TEAD4: variants seen among roughly 807,000 people sequenced by gnomAD.
TEAD4 encodes the protein transcriptional enhancer factor TEF-3.
Under a neutral mutation model 52.4 loss-of-function variants are expected in TEAD4, and 36 were observed. The ratio of observed to expected loss-of-function variants is 0.69; its 90% CI spans 0.53 to 0.91. The LOEUF is 0.91. Ranked by LOEUF, TEAD4 falls within the 40% of genes least tolerant of loss-of-function variation. TEAD4 has a pLI of 0.00. For missense variants in TEAD4, 508 were observed against 583.9 expected (o/e 0.87, Z 1.34); for synonymous variants, 220 against 231.0 (o/e 0.95, Z 0.43).
At chr12:3,035,567 A>T (rs183239977) in intron 10 of TEAD4, among the ~76,000 whole-genome samples, 3 of 152,198 alleles carry the variant, frequency 2.0e-5, no homozygotes, top group Admixed American at 2.0e-4. Flanking sequence ...CACACCTGCA[A>T]TCCCAACACT....
At position 3,010,240 on chromosome 12, in the gene TEAD4, C is replaced by T. The variant is rs1053089162; in HGVS notation, c.227-764C>T. On this transcript the variant is annotated intron_variant, in intron 3 of 12. Transcript: ENST00000359864. ...TTCCATTGTGTGGGCACATGCCGCT[C>T]CTGAACTAGGTAATGCTTTGAAATA... is the stretch of plus-strand genomic sequence containing the variant. 3.9e-5 allele frequency among the ~76,000 whole-genome samples: 6 copies of T among 152,370 alleles called. No homozygotes were observed. The South Asian group carries it at 1.2e-3, about 32-fold the overall frequency.
chr12:2,986,693 A>G (rs1260567096), intron 2 of TEAD4, among the ~76,000 whole-genome samples: 1 of 152,122 alleles, frequency 6.6e-6, no homozygotes, highest in Non-Finnish European at 1.5e-5. Flanking sequence ...AGAGACGACA[A>G]AAAGTATAGT....
At chr12:3,019,092 C>A in intron 7 of TEAD4, 23 bp from the exon 8 acceptor site, 1 of 1,613,864 alleles carries the variant, frequency 6.2e-7, no homozygotes, top group Non-Finnish European at 8.5e-7. Flanking sequence ...AGGCTGACAC[C>A]TCCCCTCCTC....
chr12:3,002,132 G>A (rs946647896), intron 3 of TEAD4, among the ~76,000 whole-genome samples: 1 of 152,144 alleles, frequency 6.6e-6, no homozygotes, highest in African/African-American at 2.4e-5. Context: ...CCCCTTTTAT[G>A]TCTGGCTTAT....
intron 5 of TEAD4, chr12:3,017,090 A>G (rs765792303): frequency 6.6e-5 from 34 of 515,446 alleles, no homozygotes; most frequent in Non-Finnish European, 1.1e-4. Flanking sequence ...CACCTGTGGT[A>G]GAGAGGTGAG....
rs545211169 is a variant in TEAD4 at position 3,008,878 on chromosome 12, C to T, written c.227-2126C>T. On this transcript the variant is annotated intron_variant, in intron 3 of 12. Transcript: ENST00000359864. The stretch of plus-strand genomic sequence containing the variant: ...CAAGAACCGTATCCCAGATGGTCTG[C>T]CATCCCCATCCCTCCTGCTACACCG... Among the ~76,000 whole-genome samples the T allele has an allele frequency of 3.3e-5, 5 of 152,296 alleles. No individual in the cohort carries two copies. The East Asian group carries it at 9.6e-4, about 29-fold the overall frequency.
intron 10 of TEAD4, among the ~76,000 whole-genome samples, chr12:3,022,706 A>C (rs2098269575): frequency 6.6e-6 from 1 of 152,168 alleles, no homozygotes; most frequent in Admixed American, 6.5e-5. Flanking sequence ...CTGGGGGCCC[A>C]GTGTGTGCAG....
intron 3 of TEAD4, among the ~76,000 whole-genome samples, chr12:3,000,707 C>T (rs3825364): frequency 0.59 from 90,130 of 151,952 alleles, 31,652 homozygotes; most frequent in East Asian, 0.77. Flanking sequence ...AGTCTAGAGG[C>T]GAGACTTCAC....
chr12:3,000,533 T>G (rs1337799464), intron 3 of TEAD4, among the ~76,000 whole-genome samples: 2 of 152,128 alleles, frequency 1.3e-5, no homozygotes, highest in Non-Finnish European at 2.9e-5. Flanking sequence ...CTGCGTGGAT[T>G]AATCCATCGT....
intron 2 of TEAD4, among the ~76,000 whole-genome samples, chr12:2,977,561 T>C (rs1591559513): frequency 1.3e-5 from 2 of 152,330 alleles, no homozygotes; most frequent in Middle Eastern, 6.8e-3. Flanking sequence ...GGGGCTTTAC[T>C]TGCTTTTCTC....
rs1419356207 is a variant in TEAD4, at chr12:3,040,145, C to T, written c.1077C>T (p.Tyr359=). The T allele has an allele frequency of 1.9e-6, 3 of 1,614,092 alleles. No homozygotes were observed. The highest frequency in any genetic ancestry group is 2.7e-5 in the African/African-American group (2 of 74,940). Residue 359 remains tyrosine, a synonymous_variant, in exon 12 of 13, where the codon TAC becomes TAT. Transcript: ENST00000359864. Reference sequence around the variant, plus strand: ...GCTATGAGAATGGACACTACTCTTACCGCATCCACCGGTCCCCGCTCTGTG... The same window carrying T: ...GCTATGAGAATGGACACTACTCTTATCGCATCCACCGGTCCCCGCTCTGTG...
chr12:3,012,878 C>T lies in TEAD4; in HGVS notation c.354+646C>T, dbSNP rs188312003. Among the ~76,000 whole-genome samples the T allele has an allele frequency of 3.1e-3, 478 of 152,236 alleles. 1 individual carries two copies. Among genetic ancestry groups the T allele is most frequent in the Non-Finnish European group, 4.9e-3 (330 of 68,014 alleles). ...GAGCTCTCCATCAGGGAGGTGATGA[C>T]GACAGAGGCTACACAGCAAGTTGGT... On this transcript the variant is annotated intron_variant, in intron 5 of 12. Coordinates refer to ENST00000359864, the MANE Select transcript of TEAD4 (RefSeq NM_003213.4).
chr12:3,009,102 G>A (rs1213373777), intron 3 of TEAD4, among the ~76,000 whole-genome samples: 3 of 152,186 alleles, frequency 2.0e-5, no homozygotes, highest in Admixed American at 1.3e-4. Flanking sequence ...GGAAGAATCT[G>A]CGGGAAAAAC....
intron 2 of TEAD4, among the ~76,000 whole-genome samples, chr12:2,969,996 C>A (rs1432374851): frequency 6.6e-6 from 1 of 152,062 alleles, no homozygotes; most frequent in East Asian, 1.9e-4. Flanking sequence ...GAGGCTGAGG[C>A]GGGAGAGTTG....
chr12:2,999,493 T>C (rs1422868527), intron 3 of TEAD4, among the ~76,000 whole-genome samples: 1 of 152,204 alleles, frequency 6.6e-6, no homozygotes, highest in Admixed American at 6.5e-5. Flanking sequence ...CAGGCAGACA[T>C]GCAGATGACA....
intron 2 of TEAD4, among the ~76,000 whole-genome samples, chr12:2,962,930 T>TA (rs1192409367): frequency 6.6e-6 from 1 of 151,910 alleles, no homozygotes; most frequent in Non-Finnish European, 1.5e-5. Flanking sequence ...CACCCCCTAC[T>TA]CCCCCTAGCC....
At chr12:3,039,569 A>T (rs2098281439) in intron 11 of TEAD4, among the ~76,000 whole-genome samples, 1 of 152,150 alleles carries the variant, frequency 6.6e-6, no homozygotes, top group African/African-American at 2.4e-5. Flanking sequence ...GTCAGGATTG[A>T]GAGGCTCCTA....
chr12:3,012,672 G>A (rs558140866), intron 5 of TEAD4, among the ~76,000 whole-genome samples: 46 of 152,298 alleles, frequency 3.0e-4, no homozygotes, highest in Admixed American at 1.4e-3. Context: ...CTGTCCTGTG[G>A]GACTGGGTGT....
At chr12:3,030,454 C>T (rs532182443) in intron 10 of TEAD4, among the ~76,000 whole-genome samples, 5 of 152,274 alleles carry the variant, frequency 3.3e-5, no homozygotes, top group Admixed American at 2.0e-4. Flanking sequence ...CTCCGAGCCA[C>T]GCAGCTCAGC....
Sources: gnomAD v4.1 joint callset for allele counts (sites outside exome capture counted in the v4.1 genomes callset) on GRCh38, gnomAD v4.1.1 for gene constraint, MANE v1.5 for transcripts, NCBI Gene and HGNC (gene_info 2026-07-23, HGNC 2026-07-21) for gene names.